ZFYVE9: variants seen among roughly 807,000 people sequenced by gnomAD.
The protein encoded by ZFYVE9 is zinc finger FYVE-type containing 9, also known as zinc finger FYVE domain-containing protein 9.
A neutral mutation model predicts 126.7 loss-of-function variants in ZFYVE9; 43 were observed. The observed-to-expected ratio is 0.34, with a 90% CI of 0.27 to 0.44. The LOEUF is 0.44. Among genes scored for constraint, ZFYVE9 ranks in the 20% least tolerant of loss-of-function variants. ZFYVE9 has a pLI of 1.00. For missense variants in ZFYVE9, 1,476 were observed against 1,697.0 expected (o/e 0.87, Z 2.29); for synonymous variants, 521 against 597.4 (o/e 0.87, Z 1.87).
intron 13 of ZFYVE9, 139 bp from the exon 14 acceptor site, chr1:52,332,627 TTG>T (rs1646352750): frequency 2.0e-6 from 2 of 987,268 alleles, no homozygotes; most frequent in Non-Finnish European, 2.9e-6. Flanking sequence ...TTTTTTTACT[TTG>T]TTTCATTATT....
intron 17 of ZFYVE9, among the ~76,000 whole-genome samples, chr1:52,341,641 A>T (rs1293697771): frequency 2.0e-5 from 3 of 152,170 alleles, no homozygotes; most frequent in South Asian, 2.1e-4. Flanking sequence ...ATGTTTTTTT[A>T]AAAAAATTCT....
At chr1:52,154,261 G>A (rs1039190672) in intron 1 of ZFYVE9, among the ~76,000 whole-genome samples, 1 of 152,214 alleles carries the variant, frequency 6.6e-6, no homozygotes, top group Non-Finnish European at 1.5e-5. Flanking sequence ...ATCCAAGATG[G>A]AAGAGGCCCA....
At chr1:52,316,867 C>T (rs1359673887) in intron 13 of ZFYVE9, among the ~76,000 whole-genome samples, 2 of 152,088 alleles carry the variant, frequency 1.3e-5, no homozygotes, top group Non-Finnish European at 2.9e-5. Context: ...TAAAATGTTC[C>T]GCACAACAGC....
chr1:52,149,483 C>G (rs1382062935), intron 1 of ZFYVE9, among the ~76,000 whole-genome samples: 1 of 152,074 alleles, frequency 6.6e-6, no homozygotes. Context: ...AATTTACAGT[C>G]TAGTTTCATA....
intron 1 of ZFYVE9, among the ~76,000 whole-genome samples, chr1:52,181,135 C>G (rs1005756698): frequency 3.9e-5 from 6 of 152,114 alleles, no homozygotes; most frequent in Non-Finnish European, 8.8e-5. Flanking sequence ...GATGCCGAGC[C>G]GAAGCTGGAC....
chr1:52,306,318 A>G (rs1162967196), intron 13 of ZFYVE9, among the ~76,000 whole-genome samples: 1 of 152,158 alleles, frequency 6.6e-6, no homozygotes, highest in Non-Finnish European at 1.5e-5. Flanking sequence ...TGAGACCTGC[A>G]GACGCTGAGA....
chr1:52,145,067 T>G (rs1421581480), intron 1 of ZFYVE9, among the ~76,000 whole-genome samples: 4 of 152,184 alleles, frequency 2.6e-5, no homozygotes, highest in Non-Finnish European at 5.9e-5. Context: ...GTCAGACAAG[T>G]GTTGAAATTG....
chr1:52,246,634 C>T (rs934287334), intron 4 of ZFYVE9, among the ~76,000 whole-genome samples: 6 of 149,592 alleles, frequency 4.0e-5, no homozygotes, highest in South Asian at 2.1e-4. Context: ...CAAGGTCAAG[C>T]GATCCTCCCA....
At chr1:52,248,085 C>T (rs72666803) in intron 4 of ZFYVE9, among the ~76,000 whole-genome samples, 29 of 152,202 alleles carry the variant, frequency 1.9e-4, no homozygotes, top group Admixed American at 5.2e-4. Context: ...AATCAACTCA[C>T]ATGGTTAGAA....
At chr1:52,177,213 G>T (rs1242652897) in intron 1 of ZFYVE9, among the ~76,000 whole-genome samples, 2 of 151,594 alleles carry the variant, frequency 1.3e-5, no homozygotes, top group African/African-American at 4.9e-5. Flanking sequence ...GCAATGGCAG[G>T]ATCTCAGCTC....
At chr1:52,217,878 A>G (rs1645086858) in intron 2 of ZFYVE9, among the ~76,000 whole-genome samples, 1 of 152,200 alleles carries the variant, frequency 6.6e-6, no homozygotes. Flanking sequence ...GTCAAGGGTT[A>G]TTCTGTTTTC....
At chr1:52,280,590 A>G (rs1645793711) in intron 9 of ZFYVE9, among the ~76,000 whole-genome samples, 1 of 152,180 alleles carries the variant, frequency 6.6e-6, no homozygotes, top group South Asian at 2.1e-4. Flanking sequence ...GTGTTGGGGT[A>G]TGAAGAGTAA....
intron 13 of ZFYVE9, among the ~76,000 whole-genome samples, chr1:52,319,488 G>A (rs2762825): frequency 0.55 from 82,898 of 151,530 alleles, 23,372 homozygotes; most frequent in East Asian, 0.84. Context: ...GCTGGGCGTG[G>A]TGGCGCATAC....
At chr1:52,164,292 C>T (rs568123536) in intron 1 of ZFYVE9, among the ~76,000 whole-genome samples, 44 of 152,224 alleles carry the variant, frequency 2.9e-4, no homozygotes, top group Non-Finnish European at 5.9e-4. Flanking sequence ...CGGCTCACTG[C>T]AACCTCTGCC....
intron 10 of ZFYVE9, among the ~76,000 whole-genome samples, chr1:52,291,784 A>G (rs1645922707): frequency 6.6e-6 from 1 of 150,724 alleles, no homozygotes; most frequent in African/African-American, 2.4e-5. Context: ...AGGCTGAGGC[A>G]GGAGAATTGT....
intron 1 of ZFYVE9, among the ~76,000 whole-genome samples, chr1:52,174,529 G>A (rs1023093197): frequency 2.0e-5 from 3 of 151,960 alleles, no homozygotes; most frequent in African/African-American, 7.3e-5. Context: ...TCTGCTTGGT[G>A]CAGAGCTGAG....
chr1:52,328,980 C>T (rs1399874267), intron 13 of ZFYVE9, among the ~76,000 whole-genome samples: 1 of 152,118 alleles, frequency 6.6e-6, no homozygotes, highest in Non-Finnish European at 1.5e-5. Flanking sequence ...TGTATGGATA[C>T]AATACCTAGG....
chr1:52,298,034 A>G (rs1363307882), intron 12 of ZFYVE9, among the ~76,000 whole-genome samples: 1 of 151,974 alleles, frequency 6.6e-6, no homozygotes, highest in Non-Finnish European at 1.5e-5. Context: ...TAAATTTGTT[A>G]TATATTCTGG....
intron 10 of ZFYVE9, among the ~76,000 whole-genome samples, chr1:52,284,031 G>A (rs750646118): frequency 7.9e-5 from 12 of 152,150 alleles, no homozygotes; most frequent in Non-Finnish European, 1.8e-4. Context: ...CTGGATATAG[G>A]GGGTTAGAGG....
Sources: allele counts gnomAD v4.1 joint callset (sites outside exome capture counted in the v4.1 genomes callset), GRCh38; gene constraint gnomAD v4.1.1; transcripts MANE v1.5; gene names NCBI Gene and HGNC (gene_info 2026-07-23, HGNC 2026-07-21).